The following RAB28 variants were observed in gnomAD, a reference collection of about 807,000 sequenced individuals.
The protein encoded by RAB28 is ras-related protein Rab-28.
In RAB28, 24 loss-of-function variants were observed where a neutral mutation model predicts 31.7. That is an observed-to-expected ratio of 0.76 (90% CI 0.55 to 1.06). The LOEUF is 1.06. RAB28 is among the 50% of genes least tolerant of loss of function. RAB28 has a pLI of 0.00. For synonymous variants in RAB28, 100 were observed against 90.4 expected, an observed-to-expected ratio of 1.11 and a Z score of -0.60; for missense variants, 254 against 258.5, an observed-to-expected ratio of 0.98 and a Z score of 0.12.
intron 4 of RAB28, among the ~76,000 whole-genome samples, chr4:13,425,824 T>C (rs1370770622): frequency 6.6e-6 from 1 of 152,172 alleles, no homozygotes; most frequent in Admixed American, 6.5e-5. Flanking sequence ...TACAAAGTTC[T>C]GTGGCAACAA....
chr4:13,432,081 A>G (rs548736839), intron 4 of RAB28, among the ~76,000 whole-genome samples: 1 of 152,278 alleles, frequency 6.6e-6, no homozygotes, highest in East Asian at 1.9e-4. Flanking sequence ...TGAGATAGCT[A>G]TATTAAGAAA....
chr4:13,474,320 G>C lies in RAB28; in HGVS notation c.259C>G (p.Gln87Glu), dbSNP rs1716252060. The change falls in exon 3 of 7, where the codon CAG (glutamine) becomes GAG (glutamate). Residue 87 changes from glutamine to glutamate, a missense_variant and splice_region_variant. Transcript: ENST00000330852. Reference sequence around the variant, plus strand: ...AATAATCAGAATTCATATCATACCTGTGCTCCATAGATATATTTATCCAAC... The same window carrying C: ...AATAATCAGAATTCATATCATACCTCTGCTCCATAGATATATTTATCCAAC... Reference protein sequence around the residue: ...KMLDKYIYGAQGVLLVYDITN... With the variant: ...KMLDKYIYGAEGVLLVYDITN... 1.3e-6 allele frequency: 2 copies of C among 1,569,486 alleles called. No homozygotes were observed. The highest frequency in any genetic ancestry group is 1.7e-5 in the Admixed American group (1 of 58,872).
intron 6 of RAB28, among the ~76,000 whole-genome samples, chr4:13,375,698 T>G (rs544744772): frequency 1.3e-5 from 2 of 152,256 alleles, no homozygotes; most frequent in South Asian, 4.1e-4. Flanking sequence ...GAGTTTCAAA[T>G]GTTTTAATCA....
At chr4:13,401,364 C>T (rs1711740202) in intron 4 of RAB28, among the ~76,000 whole-genome samples, 2 of 152,110 alleles carry the variant, frequency 1.3e-5, no homozygotes, top group Non-Finnish European at 2.9e-5. Flanking sequence ...AAATCACATA[C>T]CATGGCCTGT....
chr4:13,378,269 G>A (rs894238376), intron 5 of RAB28, among the ~76,000 whole-genome samples: 2 of 152,158 alleles, frequency 1.3e-5, no homozygotes, highest in Admixed American at 6.5e-5. Context: ...TAAGTGCAGA[G>A]AGTATTTCAA....
At chr4:13,444,120 C>T (rs996676011) in intron 4 of RAB28, among the ~76,000 whole-genome samples, 3 of 151,720 alleles carry the variant, frequency 2.0e-5, no homozygotes, top group Admixed American at 6.6e-5. Context: ...CTCCGCCTCC[C>T]GGGTTCACGC....
At chr4:13,391,753 C>T (rs990012465) in intron 4 of RAB28, among the ~76,000 whole-genome samples, 2 of 152,070 alleles carry the variant, frequency 1.3e-5, no homozygotes, top group Non-Finnish European at 2.9e-5. Context: ...TTTTCCTTTG[C>T]AGGGACACAG....
rs1239450393 is a variant in RAB28, at chr4:13,369,762, G to A, written c.574-1112C>T. 7.5e-6 allele frequency: 8 copies of A among 1,067,750 alleles called. No homozygotes were observed. In the South Asian group the frequency reaches 1.9e-4, roughly 25 times the overall value. The allele number at this position is 1,067,750 out of a possible 1,614,324, so 66.1% of individuals were successfully genotyped here. ...AGACGTGATATTAACTTCCAATAAT[G>A]TACAATAATCATCTGAACTTCCCTA... On this transcript the variant is annotated intron_variant, in intron 6 of 6. Transcript: ENST00000330852.
At chr4:13,425,780 G>C (rs1304152491) in intron 4 of RAB28, among the ~76,000 whole-genome samples, 1 of 152,046 alleles carries the variant, frequency 6.6e-6, no homozygotes, top group Non-Finnish European at 1.5e-5. Flanking sequence ...TAGTTGTATT[G>C]TTTGTTTGTT....
At chr4:13,470,780 C>A (rs1332879054) in intron 3 of RAB28, among the ~76,000 whole-genome samples, 1 of 152,064 alleles carries the variant, frequency 6.6e-6, no homozygotes, top group Admixed American at 6.6e-5. Flanking sequence ...GGGAATTTAA[C>A]TGGGACATAT....
At chr4:13,440,094 T>C (rs1434928380) in intron 4 of RAB28, among the ~76,000 whole-genome samples, 1 of 152,194 alleles carries the variant, frequency 6.6e-6, no homozygotes, top group African/African-American at 2.4e-5. Flanking sequence ...AAAAAGTATC[T>C]AAATCAAAAC....
intron 4 of RAB28, among the ~76,000 whole-genome samples, chr4:13,420,710 A>G (rs1392730427): frequency 6.6e-6 from 1 of 152,124 alleles, no homozygotes; most frequent in Non-Finnish European, 1.5e-5. Flanking sequence ...TCAACAGCCC[A>G]TGATGCTAAA....
intron 4 of RAB28, among the ~76,000 whole-genome samples, chr4:13,432,174 C>T (rs1262587088): frequency 6.6e-6 from 1 of 151,808 alleles, no homozygotes; most frequent in South Asian, 2.1e-4. Flanking sequence ...TAGACTAGAC[C>T]AAGCAGAAAA....
intron 4 of RAB28, among the ~76,000 whole-genome samples, chr4:13,411,393 A>C (rs146418924): frequency 1.8e-3 from 274 of 152,318 alleles, no homozygotes; most frequent in African/African-American, 6.1e-3. Flanking sequence ...ATGAAAAAAG[A>C]AGCCAAGGAA....
At chr4:13,397,692 A>G (rs1729926580) in intron 4 of RAB28, among the ~76,000 whole-genome samples, 1 of 151,988 alleles carries the variant, frequency 6.6e-6, no homozygotes, top group South Asian at 2.1e-4. Flanking sequence ...TTAAATCCTC[A>G]AATCATACTC....
At chr4:13,370,894 A>G (rs775327861) in intron 6 of RAB28, 44 of 958,392 alleles carry the variant, frequency 4.6e-5, no homozygotes, top group Middle Eastern at 5.3e-4. Flanking sequence ...AATTGCTGCT[A>G]CCCTTAGGAT....
chr4:13,416,600 A>G (rs544702498), intron 4 of RAB28, among the ~76,000 whole-genome samples: 79 of 152,362 alleles, frequency 5.2e-4, no homozygotes, highest in African/African-American at 1.8e-3. Flanking sequence ...GAAATTCTAG[A>G]ACAGGCAAAA....
At chr4:13,479,345 CA>C (rs112994371) in intron 2 of RAB28, 84 bp downstream of exon 2, 1 of 982,704 alleles carries the variant, frequency 1.0e-6, no homozygotes. Context: ...GAAGCAGCCC[CA>C]AAATTTTACA....
At chr4:13,391,283 G>A (rs184559083) in intron 4 of RAB28, among the ~76,000 whole-genome samples, 324 of 152,230 alleles carry the variant, frequency 2.1e-3, no homozygotes, top group African/African-American at 7.2e-3. Context: ...ACATTTATGC[G>A]GCCAACAGAC....
Sources: gnomAD v4.1 joint callset for allele counts (sites outside exome capture counted in the v4.1 genomes callset) on GRCh38, gnomAD v4.1.1 for gene constraint, MANE v1.5 for transcripts, NCBI Gene and HGNC (gene_info 2026-07-23, HGNC 2026-07-21) for gene names.